NAALADL2: variants seen among roughly 807,000 people sequenced by gnomAD.
The protein encoded by NAALADL2 is N-acetylated alpha-linked acidic dipeptidase like 2.
A neutral mutation model predicts 87.2 loss-of-function variants in NAALADL2; 76 were observed. The observed-to-expected ratio is 0.87, with a 90% confidence interval of 0.72 to 1.05. The LOEUF is 1.05. Among genes scored for constraint, NAALADL2 ranks in the 50% least tolerant of loss-of-function variants. The pLI, the probability that NAALADL2 is intolerant of heterozygous loss-of-function variation, is 0.00. For missense variants in NAALADL2, 1,089 were observed against 945.8 expected (o/e 1.15, Z -1.99); for synonymous variants, 354 against 331.0 (o/e 1.07, Z -0.75).
intron 1 of NAALADL2, among the ~76,000 whole-genome samples, chr3:174,927,884 C>T (rs1446609250): frequency 6.6e-6 from 1 of 152,058 alleles, no homozygotes; most frequent in African/African-American, 2.4e-5. Flanking sequence ...GAGATAGAGA[C>T]ACAAAAAACC....
intron 3 of NAALADL2, among the ~76,000 whole-genome samples, chr3:174,783,441 T>C (rs1288891745): frequency 6.6e-6 from 1 of 152,150 alleles, no homozygotes; most frequent in Non-Finnish European, 1.5e-5. Context: ...TTGCACAGAA[T>C]ATTTATAGTG....
intron 10 of NAALADL2, among the ~76,000 whole-genome samples, chr3:175,604,460 C>T (rs969997028): frequency 2.0e-5 from 3 of 150,312 alleles, no homozygotes; most frequent in Admixed American, 6.6e-5. Flanking sequence ...CCCACCACCA[C>T]GCCTGGCTAA....
At chr3:174,942,761 G>T (rs56142856) in intron 1 of NAALADL2, among the ~76,000 whole-genome samples, 13,088 of 151,806 alleles carry the variant, frequency 0.086, 990 homozygotes, top group African/African-American at 0.21. Context: ...CTTAAATTTT[G>T]GTCTGTCTTA....
chr3:174,699,749 G>A (rs1358179184), intron 2 of NAALADL2, among the ~76,000 whole-genome samples: 5 of 149,634 alleles, frequency 3.3e-5, no homozygotes, highest in Admixed American at 6.7e-5. Flanking sequence ...ATGAGGTCTC[G>A]TTTTTGTGGT....
At chr3:175,439,992 C>A (rs1279302690) in intron 5 of NAALADL2, among the ~76,000 whole-genome samples, 1 of 151,868 alleles carries the variant, frequency 6.6e-6, no homozygotes, top group African/African-American at 2.4e-5. Flanking sequence ...TTTTTCCCAA[C>A]GTTATCTTCT....
At chr3:175,386,880 T>C (rs768947961) in intron 5 of NAALADL2, among the ~76,000 whole-genome samples, 1 of 152,102 alleles carries the variant, frequency 6.6e-6, no homozygotes, top group Non-Finnish European at 1.5e-5. Flanking sequence ...CTTTGCTTAG[T>C]AATAGTCCCA....
intron 1 of NAALADL2, among the ~76,000 whole-genome samples, chr3:174,510,787 C>A (rs912174852): frequency 6.7e-6 from 1 of 149,264 alleles, no homozygotes; most frequent in African/African-American, 2.4e-5. Context: ...AAGGTGGAAG[C>A]TTAAGCAAGA....
chr3:175,733,255 G>T (rs1561053968), intron 11 of NAALADL2, among the ~76,000 whole-genome samples: 1 of 152,134 alleles, frequency 6.6e-6, no homozygotes, highest in African/African-American at 2.4e-5. Flanking sequence ...GGCAATTTAC[G>T]AAGGAAAGAG....
intron 11 of NAALADL2, among the ~76,000 whole-genome samples, chr3:175,661,854 T>C (rs1046062131): frequency 1.3e-5 from 2 of 151,964 alleles, no homozygotes; most frequent in Non-Finnish European, 2.9e-5. Flanking sequence ...GGTCTGTGGG[T>C]CCGTTTTTAT....
chr3:174,877,166 G>C (rs567143545), intron 1 of NAALADL2, among the ~76,000 whole-genome samples: 1 of 152,166 alleles, frequency 6.6e-6, no homozygotes, highest in African/African-American at 2.4e-5. Context: ...ATTTTGGGGG[G>C]AGACAAACAT....
At chr3:174,748,747 A>C (rs2078333612) in intron 3 of NAALADL2, among the ~76,000 whole-genome samples, 1 of 152,168 alleles carries the variant, frequency 6.6e-6, no homozygotes, top group African/African-American at 2.4e-5. Flanking sequence ...TTCATTATTG[A>C]GATACCTCTT....
chr3:175,072,688 C>CGGGGTGG (rs1715871745), intron 1 of NAALADL2, among the ~76,000 whole-genome samples: 2 of 84,464 alleles, frequency 2.4e-5, no homozygotes, highest in Admixed American at 2.1e-4. Context: ...TATTGAAAAA[C>CGGGGTGG]GGGGTGGGGG....
At chr3:175,579,779 A>G (rs1000865567) in intron 10 of NAALADL2, among the ~76,000 whole-genome samples, 2 of 152,184 alleles carry the variant, frequency 1.3e-5, no homozygotes, top group Non-Finnish European at 2.9e-5. Flanking sequence ...CAGTCTGGTG[A>G]TCCAATGCAC....
chr3:175,125,399 A>C (rs1045919388), intron 2 of NAALADL2, among the ~76,000 whole-genome samples: 4 of 151,898 alleles, frequency 2.6e-5, no homozygotes, highest in Non-Finnish European at 5.9e-5. Flanking sequence ...CTTTGCTGAA[A>C]ATAGCGCTAA....
rs114561203 is a variant in NAALADL2 at position 175,059,805 on chromosome 3, A to G, written c.44-36985A>G. On this transcript the variant is annotated intron_variant, in intron 1 of 13. Coordinates refer to ENST00000454872, the MANE Select transcript of NAALADL2 (RefSeq NM_207015.3). ...ACATTAGCAGCACCGTATTTGCCCA[A>G]AGGTTTCTTCACTCCTGGAAGGCTG... The G allele has an allele frequency of 1.1e-3, 352 of 306,316 alleles. 1 individual carries two copies. The highest frequency in any genetic ancestry group is 5.9e-3 in the African/African-American group (261 of 44,182). The allele number at this position is 306,316 out of a possible 1,614,324, so 19.0% of individuals were successfully genotyped here.
intron 5 of NAALADL2, among the ~76,000 whole-genome samples, chr3:175,377,064 G>C (rs759643770): frequency 5.9e-5 from 9 of 151,852 alleles, no homozygotes; most frequent in Admixed American, 2.6e-4. Flanking sequence ...TGTAATTCCA[G>C]TACTTTGGGA....
At chr3:174,812,731 T>C (rs1720354315) in intron 3 of NAALADL2, among the ~76,000 whole-genome samples, 1 of 151,888 alleles carries the variant, frequency 6.6e-6, no homozygotes, top group Admixed American at 6.6e-5. Flanking sequence ...GATGCTGATC[T>C]CGTATAGGCC....
chr3:175,356,583 A>AATAATAATAATG (rs1764394454), intron 5 of NAALADL2, among the ~76,000 whole-genome samples: 1 of 122,990 alleles, frequency 8.1e-6, no homozygotes, highest in African/African-American at 3.6e-5. Flanking sequence ...TCAAAATAAT[A>AATAATAATAATG]ATAATAATAA....
intron 13 of NAALADL2, among the ~76,000 whole-genome samples, chr3:175,763,715 C>A (rs900258019): frequency 3.3e-5 from 5 of 151,960 alleles, no homozygotes; most frequent in Non-Finnish European, 7.4e-5. Context: ...TGAACATGAC[C>A]CCACATTTAT....
Sources: allele counts gnomAD v4.1 joint callset (sites outside exome capture counted in the v4.1 genomes callset), GRCh38; gene constraint gnomAD v4.1.1; transcripts MANE v1.5; gene names NCBI Gene and HGNC (gene_info 2026-07-23, HGNC 2026-07-21).